The following KCNIP4 variants were observed in gnomAD, a reference collection of about 807,000 sequenced individuals.
The protein encoded by KCNIP4 is potassium voltage-gated channel interacting protein 4, also known as Kv channel-interacting protein 4.
In KCNIP4, 12 loss-of-function variants were observed where a neutral mutation model predicts 34.0. That is an observed-to-expected ratio of 0.35 (90% confidence interval 0.23 to 0.57). The LOEUF is 0.57. Ranked by LOEUF, KCNIP4 falls within the 20% of genes least tolerant of loss-of-function variation. The pLI, the probability that KCNIP4 is intolerant of heterozygous loss-of-function variation, is 0.83. For synonymous variants in KCNIP4, 124 were observed against 102.2 expected, an observed-to-expected ratio of 1.21 and a Z score of -1.29; for missense variants, 238 against 311.7, an observed-to-expected ratio of 0.76 and a Z score of 1.78.
At chr4:20,861,997 A>C (rs1722253359) in intron 2 of KCNIP4, among the ~76,000 whole-genome samples, 1 of 149,088 alleles carries the variant, frequency 6.7e-6, no homozygotes, top group Non-Finnish European at 1.5e-5. Context: ...TATTATTATT[A>C]TTATTATTAT....
chr4:20,795,433 T>C lies in KCNIP4; in HGVS notation c.289-36543A>G, dbSNP rs1185639244. On this transcript the variant is annotated intron_variant, in intron 3 of 8. Transcript: ENST00000382152. The stretch of plus-strand genomic sequence containing the variant: ...TTTTATTAATATCAGTTTTCATAGT[T>C]TTCATTCTAATTTGTCATAGTTTTC... 1.8e-4 allele frequency among the ~76,000 whole-genome samples: 27 copies of C among 152,292 alleles called. No individual in the cohort carries two copies. The East Asian group carries it at 5.2e-3, about 29-fold the overall frequency.
intron 1 of KCNIP4, among the ~76,000 whole-genome samples, chr4:21,106,419 T>C (rs563758006): frequency 6.6e-6 from 1 of 151,768 alleles, no homozygotes; most frequent in Admixed American, 6.5e-5. Flanking sequence ...TGGTAGTTTG[T>C]ATTTCTGTGG....
intron 1 of KCNIP4, among the ~76,000 whole-genome samples, chr4:21,355,898 C>T (rs186321016): frequency 6.6e-6 from 1 of 152,240 alleles, no homozygotes. Flanking sequence ...ATGCAAAAAT[C>T]CTCAATAAAA....
chr4:21,947,665 C>G (rs1730580566), intron 1 of KCNIP4, among the ~76,000 whole-genome samples: 1 of 152,152 alleles, frequency 6.6e-6, no homozygotes, highest in African/African-American at 2.4e-5. Context: ...GTTTTTCACC[C>G]TCTAAACCCA....
intron 1 of KCNIP4, among the ~76,000 whole-genome samples, chr4:21,442,818 C>A (rs1233587053): frequency 6.6e-6 from 1 of 152,160 alleles, no homozygotes; most frequent in Non-Finnish European, 1.5e-5. Context: ...GCTAGCAACT[C>A]CCAAGTTCAC....
intron 1 of KCNIP4, among the ~76,000 whole-genome samples, chr4:21,015,723 A>C (rs2149739086): frequency 7.5e-6 from 1 of 134,162 alleles, no homozygotes; most frequent in East Asian, 2.0e-4. Context: ...ATATATTTTT[A>C]TTTCTAGATA....
chr4:21,123,559 A>C (rs1750351990), intron 1 of KCNIP4, among the ~76,000 whole-genome samples: 1 of 152,232 alleles, frequency 6.6e-6, no homozygotes, highest in Admixed American at 6.5e-5. Context: ...TAAATGTTAA[A>C]ACAGAAATTT....
intron 3 of KCNIP4, among the ~76,000 whole-genome samples, chr4:20,793,930 G>A (rs1200647973): frequency 6.6e-6 from 1 of 152,064 alleles, no homozygotes; most frequent in Non-Finnish European, 1.5e-5. Flanking sequence ...TGTTGTGGGA[G>A]GGACCCAGTG....
chr4:21,737,312 T>C (rs1049494650), intron 1 of KCNIP4, among the ~76,000 whole-genome samples: 4 of 152,182 alleles, frequency 2.6e-5, no homozygotes, highest in Non-Finnish European at 5.9e-5. Context: ...TTTATTTCCA[T>C]AGGCTATGTT....
chr4:21,349,689 G>T (rs958682516), intron 1 of KCNIP4, among the ~76,000 whole-genome samples: 1 of 152,068 alleles, frequency 6.6e-6, no homozygotes, highest in East Asian at 1.9e-4. Flanking sequence ...CAGAGCCCTG[G>T]GTGTTTCTGG....
chr4:21,658,485 A>G (rs1577777336), intron 1 of KCNIP4, among the ~76,000 whole-genome samples: 1 of 151,994 alleles, frequency 6.6e-6, no homozygotes, highest in East Asian at 1.9e-4. Flanking sequence ...GCACGATCTC[A>G]GCTCACTGCA....
chr4:21,143,304 C>T (rs936723310), intron 1 of KCNIP4, among the ~76,000 whole-genome samples: 46 of 152,286 alleles, frequency 3.0e-4, no homozygotes, highest in African/African-American at 1.1e-3. Context: ...CTCAAAGCTC[C>T]ATTGCTGGTT....
intron 1 of KCNIP4, among the ~76,000 whole-genome samples, chr4:21,502,157 A>C (rs915354732): frequency 6.6e-6 from 1 of 152,130 alleles, no homozygotes; most frequent in African/African-American, 2.4e-5. Flanking sequence ...TTACTTTATA[A>C]AAATTGTAAT....
At chr4:21,241,515 A>G (rs993946961) in intron 1 of KCNIP4, among the ~76,000 whole-genome samples, 2 of 152,164 alleles carry the variant, frequency 1.3e-5, no homozygotes, top group African/African-American at 2.4e-5. Flanking sequence ...ATGGAAACAT[A>G]GAAAGGGGCT....
At chr4:21,406,331 C>T (rs1410157968) in intron 1 of KCNIP4, among the ~76,000 whole-genome samples, 2 of 152,134 alleles carry the variant, frequency 1.3e-5, no homozygotes, top group Non-Finnish European at 2.9e-5. Context: ...ATCTCTTCCT[C>T]CTAATCTAAT....
chr4:20,961,148 C>A (rs1180179227), intron 1 of KCNIP4, among the ~76,000 whole-genome samples: 1 of 152,030 alleles, frequency 6.6e-6, no homozygotes, highest in Non-Finnish European at 1.5e-5. Flanking sequence ...AACTTAAGAG[C>A]TCAGTAAAAA....
chr4:20,909,848 T>C (rs1281911182), intron 1 of KCNIP4, among the ~76,000 whole-genome samples: 1 of 152,174 alleles, frequency 6.6e-6, no homozygotes, highest in African/African-American at 2.4e-5. Context: ...CTTACTTGTC[T>C]AGAGAGTAGG....
chr4:21,001,852 C>A (rs909936738), intron 1 of KCNIP4, among the ~76,000 whole-genome samples: 1 of 152,212 alleles, frequency 6.6e-6, no homozygotes, highest in African/African-American at 2.4e-5. Flanking sequence ...TCTTTCTCCA[C>A]CAAATGACGT....
chr4:21,875,162 A>G (rs1313604875), intron 1 of KCNIP4, among the ~76,000 whole-genome samples: 1 of 152,220 alleles, frequency 6.6e-6, no homozygotes, highest in Non-Finnish European at 1.5e-5. Context: ...ACAAGGTCAC[A>G]GAGCTAGTCA....
Sources: allele counts gnomAD v4.1 joint callset (sites outside exome capture counted in the v4.1 genomes callset), GRCh38; gene constraint gnomAD v4.1.1; transcripts MANE v1.5; gene names NCBI Gene and HGNC (gene_info 2026-07-23, HGNC 2026-07-21).